The following SP140 variants were observed in gnomAD, a reference collection of about 807,000 sequenced individuals.
The protein encoded by SP140 is SP140 nuclear body protein, also known as nuclear body protein SP140.
Under a neutral mutation model 125.0 loss-of-function variants are expected in SP140, and 81 were observed. That is an observed-to-expected ratio of 0.65 (90% CI 0.54 to 0.78). The LOEUF is 0.78. Ranked by LOEUF, SP140 falls within the 30% of genes least tolerant of loss-of-function variation. The pLI is 0.00. For synonymous variants in SP140, 312 were observed against 354.0 expected (o/e 0.88, Z 1.33); for missense variants, 858 against 1,037.0 (o/e 0.83, Z 2.37).
chr2:230,214,851 C>A (rs573064771), intron 3 of SP140: 3 of 976,106 alleles, frequency 3.1e-6, no homozygotes, highest in Non-Finnish European at 4.9e-6. Flanking sequence ...AGAGAGAAGG[C>A]GGGGGATTAA....
chr2:230,215,985 G>A (rs762098793), intron 3 of SP140, among the ~76,000 whole-genome samples: 1 of 152,104 alleles, frequency 6.6e-6, no homozygotes, highest in Non-Finnish European at 1.5e-5. Flanking sequence ...CTAAGACTAA[G>A]GGAAGATTAT....
chr2:230,285,988 G>C (rs189121617), intron 17 of SP140, among the ~76,000 whole-genome samples, 156 bp downstream of exon 17: 37 of 152,250 alleles, frequency 2.4e-4, no homozygotes, highest in Non-Finnish European at 4.3e-4. Context: ...TTATAAGCAG[G>C]GGTTGTAAGT....
In SP140 at chr2:230,285,806, A is replaced by G. The variant is rs2056306397; in HGVS notation, c.1619A>G (p.Asn540Ser). 6.2e-7 allele frequency: 1 copy of G among 1,613,638 alleles called. No homozygotes were observed. The highest frequency in any genetic ancestry group is 1.3e-5 in the African/African-American group (1 of 74,902). The change falls in exon 17 of 27, where the codon AAT becomes AGT. Residue 540 changes from asparagine (N) to serine (S), a missense_variant. Asn to Ser is a conservative substitution (Grantham distance 46). This residue lies in a region of SP140 where 791 missense variants were observed against 869.5 expected (regional missense o/e 0.91). Coordinates refer to ENST00000392045, the MANE Select transcript of SP140 (RefSeq NM_007237.5). ...VVSSEKKANV[N>S]LKDLSKIRGR... is the part of the protein sequence containing the mutation. ...TCCAGTGAAAAGAAGGCGAACGTGA[A>G]TCTGAAAGACCTTTCCAAGATTAGG...
chr2:230,221,883 A>G, upstream of SP140: 3 of 691,112 alleles, frequency 4.3e-6, no homozygotes, highest in Non-Finnish European at 2.5e-6. Flanking sequence ...AAATTGTTAC[A>G]TGAAAAAAAG....
chr2:230,307,988 T>TATATATATATATATATAC (rs1553607408), intron 22 of SP140, among the ~76,000 whole-genome samples: 3 of 74,446 alleles, frequency 4.0e-5, no homozygotes, highest in Non-Finnish European at 7.8e-5. Flanking sequence ...TATATATATA[T>TATATATATATATATATAC]ATACACACAC....
At chr2:230,241,272 G>T (rs2048689403) in intron 3 of SP140, 132 bp from the exon 4 acceptor site, 10 of 660,272 alleles carry the variant, frequency 1.5e-5, no homozygotes, top group South Asian at 1.5e-4. Context: ...ATGAAAAAAA[G>T]GGGAACAAGG....
chr2:230,312,569 CT>C lies in SP140; in HGVS notation c.2506-14del. The C allele has an allele frequency of 1.3e-6, 2 of 1,541,450 alleles. No individual in the cohort carries two copies. Among genetic ancestry groups the C allele is most frequent in the Non-Finnish European group, 1.8e-6 (2 of 1,118,182 alleles). On this transcript the variant is annotated splice_polypyrimidine_tract_variant and intron_variant, in intron 26 of 26. Transcript: ENST00000392045. ...TAATGATGAGGAGCATTGTTTTTGTCTTTATTATTTTTTCAGTACAAGGATT... is the reference window on the plus strand; with the variant it reads ...TAATGATGAGGAGCATTGTTTTTGTCTTATTATTTTTTCAGTACAAGGATT...
intron 3 of SP140, chr2:230,219,966 G>A: frequency 1.0e-6 from 1 of 985,624 alleles, no homozygotes; most frequent in Non-Finnish European, 1.2e-6. Context: ...GATGCTAGCA[G>A]GCAAAACAGG....
intron 15 of SP140, among the ~76,000 whole-genome samples, chr2:230,280,939 G>A (rs770029955): frequency 4.6e-5 from 7 of 152,064 alleles, no homozygotes; most frequent in Non-Finnish European, 1.0e-4. Context: ...AGTGTTGGGT[G>A]TACAACTTTT....
rs1349964066 is a variant in SP140, at chr2:230,243,711, G to A, written c.491-20G>A. 3 of 1,577,416 alleles carry A rather than the reference G, an allele frequency of 1.9e-6. No homozygotes were observed. In the African/African-American group the frequency reaches 4.0e-5, roughly 21 times the overall value. On this transcript the variant is annotated intron_variant, in intron 4 of 26. Transcript: ENST00000392045. The stretch of plus-strand genomic sequence containing the variant: ...TGACCATAAATCAAGACATCTAAGG[G>A]ATTTCATTCCTTTCGGCAGAGAACA...
At chr2:230,259,311 A>G (rs934388153) in intron 12 of SP140, among the ~76,000 whole-genome samples, 4 of 152,140 alleles carry the variant, frequency 2.6e-5, no homozygotes, top group East Asian at 3.9e-4. Flanking sequence ...TTGCGTCCTC[A>G]TAGCTTAGCT....
chr2:230,221,523 C>T (rs781295631), upstream of SP140, among the ~76,000 whole-genome samples: 9 of 152,050 alleles, frequency 5.9e-5, no homozygotes, highest in Admixed American at 1.3e-4. Context: ...CCCGGCCTTG[C>T]GGGTAATGGC....
At chr2:230,214,838 C>T in intron 3 of SP140, 5 of 886,522 alleles carry the variant, frequency 5.6e-6, no homozygotes, top group Non-Finnish European at 9.3e-6. Flanking sequence ...TCCATTCCAC[C>T]CCAGAGAGAA....
chr2:230,249,027 GA>G lies in SP140; in HGVS notation c.976+66del, dbSNP rs375167921. ...ACATCTTTGTTTTCTAGTTGGCATG[GA>G]AAAAAAGTTTCCCTTTCTCCCATCC... On this transcript the variant is annotated intron_variant, in intron 9 of 26. Coordinates refer to ENST00000392045, the MANE Select transcript of SP140 (RefSeq NM_007237.5). 1.7e-4 allele frequency: 234 copies of G among 1,402,004 alleles called. No homozygotes were observed. The East Asian group carries it at 3.4e-3, about 20-fold the overall frequency. 86.8% of individuals were successfully genotyped at this position (1,402,004 alleles called of 1,614,324 possible). A position where few individuals can be genotyped will look rare whatever the true frequency, so the allele number is the denominator to read the frequency against.
intron 7 of SP140, among the ~76,000 whole-genome samples, chr2:230,247,049 G>A (rs1156737506): frequency 6.6e-6 from 1 of 152,086 alleles, no homozygotes; most frequent in Non-Finnish European, 1.5e-5. Context: ...ACATTATGGT[G>A]TCCCCAGCCT....
chr2:230,243,924 C>G (rs1390771639), intron 5 of SP140, 113 bp downstream of exon 5: 1 of 708,186 alleles, frequency 1.4e-6, no homozygotes, highest in African/African-American at 1.8e-5. Flanking sequence ...GCAAAAGATC[C>G]ATTTTGTCCT....
At chr2:230,262,140 T>G (rs1037607886) in intron 12 of SP140, among the ~76,000 whole-genome samples, 3 of 152,160 alleles carry the variant, frequency 2.0e-5, no homozygotes, top group African/African-American at 7.2e-5. Flanking sequence ...TTGTTACTGG[T>G]CTGTTCAAGG....
At chr2:230,224,435 G>A (rs1442526526), upstream of SP140, among the ~76,000 whole-genome samples, 1 of 137,014 alleles carries the variant, frequency 7.3e-6, no homozygotes, top group South Asian at 2.6e-4. Flanking sequence ...AAGAGGGAGG[G>A]AGAGGGAGGG....
Position 230,312,795 on chromosome 2 carries a change from G to C in SP140, c.*111G>C. The C allele has an allele frequency of 4.0e-6, 3 of 741,974 alleles. No individual in the cohort carries two copies. Among genetic ancestry groups the C allele is most frequent in the Non-Finnish European group, 7.0e-6 (3 of 429,344 alleles). The allele number at this position is 741,974 out of a possible 1,614,324, so 46.0% of individuals were successfully genotyped here. A position where few individuals can be genotyped will look rare whatever the true frequency, so the allele number is the denominator to read the frequency against. On this transcript the variant is annotated 3_prime_UTR_variant, in exon 27 of 27. Transcript: ENST00000392045. Reference sequence around the variant, plus strand: ...TTGGGCACAGCACATGCAGGGAGGGGCTTTTCTCTGAGCCTCCTTCATCTG... The same window carrying C: ...TTGGGCACAGCACATGCAGGGAGGGCCTTTTCTCTGAGCCTCCTTCATCTG...
Sources: gnomAD v4.1 joint callset for allele counts (sites outside exome capture counted in the v4.1 genomes callset) on GRCh38, gnomAD v4.1.1 for gene constraint, gnomAD v4.1.1 regional missense constraint, MANE v1.5 for transcripts, NCBI Gene and HGNC (gene_info 2026-07-23, HGNC 2026-07-21) for gene names.